The following LPAR1 variants were observed in gnomAD, a reference collection of about 807,000 sequenced individuals.
The protein encoded by LPAR1 is LPA receptor 1.
In LPAR1, 5 loss-of-function variants were observed where a neutral mutation model predicts 23.8. The ratio of observed to expected loss-of-function variants is 0.21; its 90% CI spans 0.11 to 0.44. The LOEUF is 0.44. Among genes scored for constraint, LPAR1 ranks in the 20% least tolerant of loss-of-function variants. The pLI is 0.99. For synonymous variants in LPAR1, 160 were observed against 164.7 expected (o/e 0.97, Z 0.22); for missense variants, 311 against 482.8 (o/e 0.64, Z 3.33).
intron 5 of LPAR1, among the ~76,000 whole-genome samples, chr9:110,921,672 C>G (rs1289503718): frequency 6.6e-6 from 1 of 152,178 alleles, no homozygotes; most frequent in Non-Finnish European, 1.5e-5. Context: ...GGTTGATACT[C>G]CAAGAAAAGG....
chr9:110,974,889 C>A (rs2096521468), intron 2 of LPAR1, among the ~76,000 whole-genome samples: 1 of 152,174 alleles, frequency 6.6e-6, no homozygotes, highest in African/African-American at 2.4e-5. Flanking sequence ...TTACACTGAA[C>A]TTATTCCTGG....
chr9:111,005,970 C>G (rs1200407339), intron 2 of LPAR1, among the ~76,000 whole-genome samples: 8 of 152,286 alleles, frequency 5.3e-5, no homozygotes, highest in Non-Finnish European at 4.4e-5. Context: ...TATGAGACAA[C>G]TGCTGGACTT....
intron 2 of LPAR1, 126 bp downstream of exon 2, chr9:111,035,996 A>G (rs949731511): frequency 2.0e-5 from 3 of 152,260 alleles, no homozygotes; most frequent in Non-Finnish European, 4.4e-5. Context: ...CTAATGGAAT[A>G]GATTCAGTAA....
intron 4 of LPAR1, among the ~76,000 whole-genome samples, chr9:110,963,507 A>C (rs1370152124): frequency 1.3e-5 from 2 of 152,202 alleles, no homozygotes; most frequent in Non-Finnish European, 2.9e-5. Flanking sequence ...GACCATATGT[A>C]GTGGTTACCT....
intron 5 of LPAR1, among the ~76,000 whole-genome samples, chr9:110,922,399 T>A (rs2093691680): frequency 6.6e-6 from 1 of 152,158 alleles, no homozygotes; most frequent in Non-Finnish European, 1.5e-5. Context: ...AGTGTAAACA[T>A]AAAACTCAGT....
chr9:110,946,811 A>G (rs2095399840), intron 4 of LPAR1, among the ~76,000 whole-genome samples: 1 of 152,166 alleles, frequency 6.6e-6, no homozygotes, highest in Non-Finnish European at 1.5e-5. Flanking sequence ...TATTGAAAGA[A>G]GCTATACCTA....
intron 2 of LPAR1, among the ~76,000 whole-genome samples, chr9:110,981,153 C>A (rs2096657652): frequency 1.3e-5 from 2 of 151,948 alleles, no homozygotes; most frequent in South Asian, 4.2e-4. Context: ...GTTCACAATC[C>A]CCTGATTTTC....
At chr9:110,955,138 C>T (rs1249949681) in intron 4 of LPAR1, among the ~76,000 whole-genome samples, 1 of 152,136 alleles carries the variant, frequency 6.6e-6, no homozygotes, top group African/African-American at 2.4e-5. Flanking sequence ...AAAGATACAG[C>T]CTGGCTGAAT....
At chr9:110,976,244 G>C (rs1359259429) in intron 2 of LPAR1, among the ~76,000 whole-genome samples, 1 of 150,716 alleles carries the variant, frequency 6.6e-6, no homozygotes, top group African/African-American at 2.4e-5. Context: ...TGTAATCCTA[G>C]CATTTTGAGA....
chr9:110,951,858 T>A (rs916734917), intron 4 of LPAR1, among the ~76,000 whole-genome samples: 1 of 152,180 alleles, frequency 6.6e-6, no homozygotes, highest in African/African-American at 2.4e-5. Context: ...CAAATATTTA[T>A]CAACTGGTGA....
chr9:110,919,567 A>G (rs1193242872), intron 5 of LPAR1, among the ~76,000 whole-genome samples: 1 of 152,220 alleles, frequency 6.6e-6, no homozygotes. Context: ...GACAGAGACA[A>G]TTTGCATGGG....
intron 2 of LPAR1, among the ~76,000 whole-genome samples, chr9:111,002,807 T>A (rs963903890): frequency 2.6e-5 from 4 of 152,118 alleles, no homozygotes; most frequent in Admixed American, 1.3e-4. Context: ...GATGTGTCCA[T>A]CAAAAGTCGA....
intron 2 of LPAR1, among the ~76,000 whole-genome samples, chr9:111,016,350 T>C (rs1202574313): frequency 6.6e-5 from 10 of 152,200 alleles, no homozygotes; most frequent in Admixed American, 6.5e-4. Flanking sequence ...ATACAGAAAC[T>C]ACACTTGCAC....
chr9:110,906,980 T>TG (rs879828729), intron 5 of LPAR1, among the ~76,000 whole-genome samples: 5,680 of 152,216 alleles, frequency 0.037, 172 homozygotes, highest in Non-Finnish European at 0.047. Context: ...ACTTAAAAAA[T>TG]CTAGAATTAA....
At position 110,974,808 on chromosome 9, in the gene LPAR1, C is replaced by A. The variant is rs367969535; in HGVS notation, c.-181-1250G>T. Among the ~76,000 whole-genome samples, 39 of 152,258 alleles carry A rather than the reference C, an allele frequency of 2.6e-4. No individual in the cohort carries two copies. In the South Asian group the frequency reaches 5.0e-3, roughly 19 times the overall value. ...AAAAGCATATGTATACAGGACCTTTCTTTTTTCAAGATGACTGCTAGAGTG... is the reference window on the plus strand; with the variant it reads ...AAAAGCATATGTATACAGGACCTTTATTTTTTCAAGATGACTGCTAGAGTG... On this transcript the variant is annotated intron_variant, in intron 2 of 5. Coordinates refer to ENST00000683809, the MANE Select transcript of LPAR1 (RefSeq NM_001351411.2).
At chr9:111,035,799 TCTG>T (rs1334265855) in intron 2 of LPAR1, among the ~76,000 whole-genome samples, 1 of 152,226 alleles carries the variant, frequency 6.6e-6, no homozygotes, top group Non-Finnish European at 1.5e-5. Context: ...AGTTCTGTTA[TCTG>T]CTGAATACTT....
intron 5 of LPAR1, among the ~76,000 whole-genome samples, chr9:110,897,811 A>ATT (rs59449829): frequency 2.9e-4 from 43 of 148,216 alleles, no homozygotes; most frequent in African/African-American, 6.4e-4. Flanking sequence ...AAGGCCTTTG[A>ATT]TTTTTTTTTT....
At chr9:110,884,092 C>G (rs1588126782) in intron 5 of LPAR1, among the ~76,000 whole-genome samples, 1 of 152,192 alleles carries the variant, frequency 6.6e-6, no homozygotes, top group African/African-American at 2.4e-5. Flanking sequence ...GATTCCCATT[C>G]TTTTTGTGTA....
chr9:110,887,069 C>T (rs1188222820), intron 5 of LPAR1, among the ~76,000 whole-genome samples: 2 of 151,932 alleles, frequency 1.3e-5, no homozygotes, highest in African/African-American at 2.4e-5. Context: ...TAAGATTCTC[C>T]CAAAATAATA....
Sources: allele counts gnomAD v4.1 joint callset (sites outside exome capture counted in the v4.1 genomes callset), GRCh38; gene constraint gnomAD v4.1.1; transcripts MANE v1.5; gene names NCBI Gene and HGNC (gene_info 2026-07-23, HGNC 2026-07-21).